KCNAB1: variants seen among roughly 807,000 people sequenced by gnomAD.
KCNAB1 encodes voltage-gated potassium channel subunit beta-1.
In KCNAB1, 35 loss-of-function variants were observed where a neutral mutation model predicts 64.6. The observed-to-expected ratio is 0.54, with a 90% CI of 0.41 to 0.72. The LOEUF (loss-of-function observed/expected upper bound fraction) is 0.72, where lower values mean the gene tolerates loss of function less well. KCNAB1 is among the 30% of genes least tolerant of loss of function. The probability of loss-of-function intolerance (pLI) is 0.00; values close to 1 mark genes in which losing one functional copy is unlikely to be tolerated. For missense variants in KCNAB1, 401 were observed against 512.9 expected (o/e 0.78, Z 2.11); for synonymous variants, 177 against 183.8 (o/e 0.96, Z 0.30).
At chr3:156,534,012 C>T (rs1718881222) in intron 13 of KCNAB1, among the ~76,000 whole-genome samples, 1 of 152,172 alleles carries the variant, frequency 6.6e-6, no homozygotes, top group African/African-American at 2.4e-5. Flanking sequence ...GAGGCTTTGC[C>T]TATCCTAAAG....
intron 8 of KCNAB1, among the ~76,000 whole-genome samples, chr3:156,487,916 G>A (rs919052697): frequency 1.3e-5 from 2 of 151,890 alleles, no homozygotes; most frequent in Non-Finnish European, 2.9e-5. Context: ...ATAAAAAATG[G>A]GTAAGAGGAA....
chr3:156,377,858 T>G (rs1266520556), intron 1 of KCNAB1, among the ~76,000 whole-genome samples: 4 of 152,208 alleles, frequency 2.6e-5, no homozygotes, highest in African/African-American at 9.6e-5. Context: ...GCTGATTTAT[T>G]CTCGGTGTGC....
intron 1 of KCNAB1, among the ~76,000 whole-genome samples, chr3:156,316,118 A>G (rs1450534117): frequency 1.3e-5 from 2 of 152,236 alleles, no homozygotes; most frequent in Admixed American, 6.5e-5. Context: ...GTTGTTTCAC[A>G]TCTCTTTTCT....
At position 156,337,216 on chromosome 3, in the gene KCNAB1, C is replaced by A. The variant is rs564597551; in HGVS notation, c.276-84400C>A. Among the ~76,000 whole-genome samples the A allele has an allele frequency of 3.9e-5, 6 of 152,316 alleles. No individual in the cohort carries two copies. The South Asian group carries it at 8.3e-4, about 21-fold the overall frequency. On this transcript the variant is annotated intron_variant, in intron 1 of 13. Coordinates refer to ENST00000490337, the MANE Select transcript of KCNAB1 (RefSeq NM_172160.3). ...CAAGTGAGATAAGTTGGAAATAAATCATCACCTGAGAACACTGAAGTTGGG... is the reference window on the plus strand; with the variant it reads ...CAAGTGAGATAAGTTGGAAATAAATAATCACCTGAGAACACTGAAGTTGGG...
chr3:156,484,304 A>G (rs1043605194), intron 8 of KCNAB1, among the ~76,000 whole-genome samples: 6 of 152,108 alleles, frequency 3.9e-5, no homozygotes, highest in African/African-American at 1.4e-4. Context: ...GGACTTCACC[A>G]AGCTCCAAAA....
chr3:156,325,099 T>C (rs926438809), intron 1 of KCNAB1, among the ~76,000 whole-genome samples: 2 of 152,158 alleles, frequency 1.3e-5, no homozygotes, highest in Non-Finnish European at 2.9e-5. Context: ...TGAAATACCT[T>C]ACACCTACTG....
chr3:156,271,440 C>A (rs186791448), intron 1 of KCNAB1, among the ~76,000 whole-genome samples: 1 of 152,092 alleles, frequency 6.6e-6, no homozygotes, highest in African/African-American at 2.4e-5. Context: ...CTTATTATTT[C>A]TTTTTTCTGC....
At chr3:156,265,021 A>T (rs555786373) in intron 1 of KCNAB1, among the ~76,000 whole-genome samples, 1 of 152,112 alleles carries the variant, frequency 6.6e-6, no homozygotes, top group Non-Finnish European at 1.5e-5. Context: ...CAGCTCCTTG[A>T]CCTTACCATG....
At chr3:156,316,290 G>A (rs1323057812) in intron 1 of KCNAB1, among the ~76,000 whole-genome samples, 1 of 152,226 alleles carries the variant, frequency 6.6e-6, no homozygotes, top group Non-Finnish European at 1.5e-5. Flanking sequence ...TCTTTACTGG[G>A]CTGGAAGCCT....
chr3:156,189,839 G>T (rs900594762), intron 1 of KCNAB1, among the ~76,000 whole-genome samples: 4 of 152,162 alleles, frequency 2.6e-5, no homozygotes, highest in African/African-American at 4.8e-5. Flanking sequence ...AGGTCATTTT[G>T]TTGGGTCAGG....
At chr3:156,386,322 G>A (rs1023484264) in intron 1 of KCNAB1, among the ~76,000 whole-genome samples, 1 of 152,166 alleles carries the variant, frequency 6.6e-6, no homozygotes, top group African/African-American at 2.4e-5. Context: ...TGCCCTCCTT[G>A]CCATTGACAG....
intron 1 of KCNAB1, among the ~76,000 whole-genome samples, chr3:156,152,833 G>T (rs142744972): frequency 5.3e-5 from 8 of 152,336 alleles, no homozygotes; most frequent in Non-Finnish European, 8.8e-5. Flanking sequence ...TACTTCCAGA[G>T]ATGACCATTG....
chr3:156,431,490 G>A (rs1716207289), intron 2 of KCNAB1, among the ~76,000 whole-genome samples: 1 of 152,180 alleles, frequency 6.6e-6, no homozygotes, highest in African/African-American at 2.4e-5. Flanking sequence ...AGAGCACAGG[G>A]CTGCAGGCAG....
chr3:156,345,625 G>A (rs1724435009), intron 1 of KCNAB1, among the ~76,000 whole-genome samples: 1 of 152,218 alleles, frequency 6.6e-6, no homozygotes, highest in African/African-American at 2.4e-5. Context: ...CCATTCAGTT[G>A]TTGAATAGTG....
At chr3:156,525,042 G>A (rs1185749283) in intron 12 of KCNAB1, among the ~76,000 whole-genome samples, 2 of 151,960 alleles carry the variant, frequency 1.3e-5, no homozygotes, top group Non-Finnish European at 2.9e-5. Context: ...ACACAATCAT[G>A]TACAGTACAT....
At chr3:156,291,808 G>A (rs1228072476) in intron 1 of KCNAB1, 3 of 1,572,292 alleles carry the variant, frequency 1.9e-6, no homozygotes, top group East Asian at 2.3e-5. Context: ...GGAGCAAGGA[G>A]GGCTTAAAAG....
chr3:156,381,993 G>C (rs1039689308), intron 1 of KCNAB1: 1 of 152,224 alleles, frequency 6.6e-6, no homozygotes, highest in Non-Finnish European at 1.5e-5. Context: ...ACTGGATCAA[G>C]AATCAAGAAA....
At chr3:156,119,237 C>T (rs528289249), upstream of KCNAB1, among the ~76,000 whole-genome samples, 26 of 152,210 alleles carry the variant, frequency 1.7e-4, no homozygotes, top group East Asian at 3.1e-3. Flanking sequence ...GGGGGCAAGG[C>T]GTACATTAAA....
intron 7 of KCNAB1, among the ~76,000 whole-genome samples, chr3:156,469,820 T>C (rs572714791): frequency 5.0e-4 from 76 of 152,316 alleles, no homozygotes; most frequent in African/African-American, 1.8e-3. Context: ...AGGCTGAAAT[T>C]AGGGAATTGA....
Sources: allele counts gnomAD v4.1 joint callset (sites outside exome capture counted in the v4.1 genomes callset), GRCh38; gene constraint gnomAD v4.1.1; transcripts MANE v1.5; gene names NCBI Gene and HGNC (gene_info 2026-07-23, HGNC 2026-07-21).